ANAPC2: variants seen among roughly 807,000 people sequenced by gnomAD.
The protein encoded by ANAPC2 is anaphase promoting complex subunit 2, also known as anaphase-promoting complex subunit 2.
In ANAPC2, 29 loss-of-function variants were observed where a neutral mutation model predicts 84.3. That is an observed-to-expected ratio of 0.34 (90% CI 0.26 to 0.47). ANAPC2 has a LOEUF of 0.47. ANAPC2 is among the 20% of genes least tolerant of loss of function. The pLI is 1.00. For synonymous variants in ANAPC2, 571 were observed against 479.4 expected, an observed-to-expected ratio of 1.19 and a Z score of -2.50; for missense variants, 857 against 1,131.7, an observed-to-expected ratio of 0.76 and a Z score of 3.48.
chr9:137,188,300 G>C, intron 1 of ANAPC2, 116 bp downstream of exon 1: 1 of 1,326,366 alleles, frequency 7.5e-7, no homozygotes, highest in Non-Finnish European at 1.0e-6. Context: ...GAAAATGGCA[G>C]GACAGGACAG....
rs958965629 is a variant in ANAPC2, at chr9:137,174,889, G to A, written c.*53C>T. The A allele has an allele frequency of 4.2e-5, 61 of 1,440,402 alleles. No individual in the cohort carries two copies. In the Middle Eastern group the frequency reaches 1.0e-3, roughly 24 times the overall value. 89.2% of individuals were successfully genotyped at this position (1,440,402 alleles called of 1,614,324 possible). ...CGGGCGGGGGCTGGCACGGGAGGAC[G>A]AGAGCACCTGCAGGGCAGCGCCTGG... On this transcript the variant is annotated 3_prime_UTR_variant, in exon 13 of 13. Coordinates refer to ENST00000323927, the MANE Select transcript of ANAPC2 (RefSeq NM_013366.4). The surrounding 1 kb of genome is among the most constrained non-coding windows in gnomAD (Gnocchi z 6.1).
rs1277822645 is a variant in ANAPC2 at position 137,187,422 on chromosome 9, AG to A, written c.740+58del. The A allele has an allele frequency of 5.8e-6, 9 of 1,546,436 alleles. No homozygotes were observed. In the East Asian group the frequency reaches 1.6e-4, roughly 27 times the overall value. On this transcript the variant is annotated intron_variant, in intron 2 of 12. Transcript: ENST00000323927. ...CTTTCTGCTGAGGCCAGCTGGACCC[AG>A]GGGAGCAGCGGGGAACCAGAAGGAG...
chr9:137,185,186 C>A (rs1168453125), intron 3 of ANAPC2, 99 bp from the exon 4 acceptor site: 5 of 1,336,064 alleles, frequency 3.7e-6, no homozygotes, highest in South Asian at 1.6e-5. Flanking sequence ...CCCTGTCGGC[C>A]GGGACCGAGG....
chr9:137,176,226 C>CA (rs1029205101), intron 10 of ANAPC2: 3 of 159,834 alleles, frequency 1.9e-5, no homozygotes, highest in African/African-American at 1.1e-4. Flanking sequence ...CACACGAAGA[C>CA]AGAGACCACC....
Position 137,175,694 on chromosome 9 carries a change from G to A in ANAPC2, c.2020+14C>T. The A allele has an allele frequency of 6.2e-7, 1 of 1,606,970 alleles. No homozygotes were observed. Among genetic ancestry groups the A allele is most frequent in the Non-Finnish European group, 8.5e-7 (1 of 1,176,312 alleles). On this transcript the variant is annotated intron_variant, in intron 11 of 12. Coordinates refer to ENST00000323927, the MANE Select transcript of ANAPC2 (RefSeq NM_013366.4). Reference sequence around the variant, plus strand: ...TGTGGCCGGGGCAGGCCAGCTAGGGGCTGGTGGGCTCACCTTGGTCCTGAA... The same window carrying A: ...TGTGGCCGGGGCAGGCCAGCTAGGGACTGGTGGGCTCACCTTGGTCCTGAA...
chr9:137,183,626 G>A (rs1403572104), intron 5 of ANAPC2, 46 bp downstream of exon 5: 3 of 1,582,798 alleles, frequency 1.9e-6, no homozygotes, highest in South Asian at 1.1e-5. Context: ...GTCCCCTGGT[G>A]AGTGTCTAAG....
At chr9:137,183,034 G>T in intron 6 of ANAPC2, 91 bp downstream of exon 6, 1 of 1,060,132 alleles carries the variant, frequency 9.4e-7, no homozygotes, top group Non-Finnish European at 1.4e-6. Flanking sequence ...CCTGACGGCC[G>T]AACACACCCT....
At position 137,188,426 on chromosome 9, in the gene ANAPC2, G is replaced by A. The variant is rs374208930; in HGVS notation, c.107C>T (p.Ala36Val). 58 of 1,607,736 alleles carry A rather than the reference G, an allele frequency of 3.6e-5. No homozygotes were observed. Among genetic ancestry groups the A allele is most frequent in the Non-Finnish European group, 4.7e-5 (55 of 1,179,146 alleles). ...TVSTGLVPPA[A>V]LGLVSSRTSG... ...CTTCCCAGGCCTCACCAGCCCCAGC[G>A]CAGCCGGCGGCACCAGGCCGGTGCT... Residue 36 changes from alanine (A) to valine (V), a missense_variant, in exon 1 of 13, where the codon GCG becomes GTG. This residue lies in a region of ANAPC2 where 428 missense variants were observed against 513.8 expected (regional missense o/e 0.83). Coordinates refer to ENST00000323927, the MANE Select transcript of ANAPC2 (RefSeq NM_013366.4).
intron 11 of ANAPC2, 49 bp from the exon 12 acceptor site, chr9:137,175,521 C>A (rs1374376707): frequency 6.7e-7 from 1 of 1,499,408 alleles, no homozygotes. Flanking sequence ...ACGGGCTGCA[C>A]CTCCCCTGCC....
intron 2 of ANAPC2, chr9:137,187,226 A>C (rs1193198912): frequency 3.9e-6 from 2 of 508,244 alleles, no homozygotes; most frequent in Non-Finnish European, 6.9e-6. Context: ...GTTGCTAAGA[A>C]ATTTGCTGCT....
rs1386974597 is a variant in ANAPC2, at chr9:137,183,336, G to C, written c.1169-94C>G. ...AGTAGACAGCTGGCCATGCCGGTAG[G>C]TGGTCTACAGGTCCCCACTGCAGCC... On this transcript the variant is annotated intron_variant, in intron 5 of 12. Coordinates refer to ENST00000323927, the MANE Select transcript of ANAPC2 (RefSeq NM_013366.4). The C allele has an allele frequency of 2.2e-5, 24 of 1,083,868 alleles. 1 individual carries two copies. The highest frequency in any genetic ancestry group is 4.6e-5 in the African/African-American group (3 of 64,818). The allele number at this position is 1,083,868 out of a possible 1,614,324, so 67.1% of individuals were successfully genotyped here. A position where few individuals can be genotyped will look rare whatever the true frequency, so the allele number is the denominator to read the frequency against.
intron 4 of ANAPC2, among the ~76,000 whole-genome samples, chr9:137,184,256 C>T (rs1377012981): frequency 6.6e-6 from 1 of 150,542 alleles, no homozygotes; most frequent in Non-Finnish European, 1.5e-5. Flanking sequence ...CAGATGCAGA[C>T]ACAGAGCAGA....
chr9:137,184,517 CAG>C (rs1248008745), intron 4 of ANAPC2, among the ~76,000 whole-genome samples: 2 of 140,520 alleles, frequency 1.4e-5, no homozygotes, highest in African/African-American at 5.5e-5. Context: ...GATGCAGACA[CAG>C]AGCAGACACA....
At chr9:137,185,195 G>T in intron 3 of ANAPC2, 108 bp from the exon 4 acceptor site, 1 of 1,263,908 alleles carries the variant, frequency 7.9e-7, no homozygotes. Context: ...CCGGGACCGA[G>T]GGGAGCCCGA....
At chr9:137,186,157 T>C in intron 3 of ANAPC2, 67 bp downstream of exon 3, 1 of 1,586,592 alleles carries the variant, frequency 6.3e-7, no homozygotes, top group Non-Finnish European at 8.6e-7. Flanking sequence ...TGAAGCCAGG[T>C]GTCAGGTTTG....
chr9:137,175,482 G>GA lies in ANAPC2; in HGVS notation c.2021-11dup. On this transcript the variant is annotated splice_polypyrimidine_tract_variant and intron_variant, in intron 11 of 12. Coordinates refer to ENST00000323927, the MANE Select transcript of ANAPC2 (RefSeq NM_013366.4). ...TCCAGGGTCCAGCTGGCTGCGTGCA[G>GA]AGTCACCGGGACGCTGGGCAGCCTG... 6.5e-7 allele frequency: 1 copy of GA among 1,547,192 alleles called. No individual in the cohort carries two copies. The highest frequency in any genetic ancestry group is 1.2e-5 in the South Asian group (1 of 84,866).
chr9:137,179,661 A>T (rs915859350), intron 10 of ANAPC2, among the ~76,000 whole-genome samples: 3 of 152,144 alleles, frequency 2.0e-5, no homozygotes, highest in Non-Finnish European at 2.9e-5. Context: ...GTCCTCAAGT[A>T]CCACTGGAGC....
chr9:137,187,791 T>C lies in ANAPC2; in HGVS notation c.430A>G (p.Thr144Ala). 2 of 1,613,656 alleles carry C rather than the reference T, an allele frequency of 1.2e-6. No homozygotes were observed. The highest frequency in any genetic ancestry group is 1.7e-6 in the Non-Finnish European group (2 of 1,180,042). The change falls in exon 2 of 13, where the codon ACT becomes GCT. Residue 144 changes from threonine to alanine, a missense_variant. By Grantham distance (58) the Thr-to-Ala change is moderately conservative (BLOSUM62 0). Coordinates refer to ENST00000323927, the MANE Select transcript of ANAPC2 (RefSeq NM_013366.4). ...TCTTCTCGCAGCCCCTGAGCACCAG[T>C]GCCCATCAGCAAGCCCAGGCGAGTC... ...KWTRLGLLMG[T>A]GAQGLREEVH...
At position 137,180,892 on chromosome 9, in the gene ANAPC2, G is replaced by A. The variant is rs1425323455; in HGVS notation, c.1506C>T (p.Ile502=). The A allele has an allele frequency of 6.2e-7, 1 of 1,613,408 alleles. No homozygotes were observed. The highest frequency in any genetic ancestry group is 2.2e-5 in the East Asian group (1 of 44,892). The change falls in exon 8 of 13, where the codon ATC becomes ATT. Residue 502 remains isoleucine (I), a synonymous_variant. Coordinates refer to ENST00000323927, the MANE Select transcript of ANAPC2 (RefSeq NM_013366.4). ...TGCCGTAGATGCTGACCAGCAGGCT[G>A]ATGATGTCCGATGAACGCCGCTTGG... The part of the protein sequence containing the change: ...SSSKRRSSDI[I]SLLVSIYGSK...
Sources: allele counts gnomAD v4.1 joint callset (sites outside exome capture counted in the v4.1 genomes callset), GRCh38; gene constraint gnomAD v4.1.1; regional missense constraint gnomAD v4.1.1; non-coding constraint Gnocchi (gnomAD v3.1); transcripts MANE v1.5; gene names NCBI Gene and HGNC (gene_info 2026-07-23, HGNC 2026-07-21).